TMEM132C: variants seen among roughly 807,000 people sequenced by gnomAD.
The protein encoded by TMEM132C is transmembrane protein 132C, also known as protein phosphatase 1, regulatory subunit 152.
Under a neutral mutation model 61.4 loss-of-function variants are expected in TMEM132C, and 29 were observed. The observed-to-expected ratio is 0.47, with a 90% confidence interval of 0.35 to 0.64. TMEM132C has a LOEUF of 0.64. TMEM132C is among the 30% of genes least tolerant of loss of function. TMEM132C has a pLI of 0.00. For synonymous variants in TMEM132C, 656 were observed against 633.1 expected (o/e 1.04, Z -0.54); for missense variants, 1,408 against 1,476.9 (o/e 0.95, Z 0.76).
intron 1 of TMEM132C, among the ~76,000 whole-genome samples, chr12:128,284,928 G>A (rs2135902444): frequency 6.6e-6 from 1 of 152,272 alleles, no homozygotes; most frequent in South Asian, 2.1e-4. Flanking sequence ...TTGAGCCCAG[G>A]AGTTCAAGAC....
intron 3 of TMEM132C, among the ~76,000 whole-genome samples, chr12:128,586,631 T>C (rs71462502): frequency 6.6e-6 from 1 of 151,896 alleles, no homozygotes; most frequent in South Asian, 2.1e-4. Context: ...CCTTGTTTTG[T>C]TCTCTCTCTC....
intron 2 of TMEM132C, among the ~76,000 whole-genome samples, chr12:128,458,467 T>C (rs1015208786): frequency 2.0e-5 from 3 of 152,096 alleles, no homozygotes; most frequent in African/African-American, 7.2e-5. Flanking sequence ...TTTAGGGTTG[T>C]GTAATCACTT....
chr12:128,297,756 C>G (rs555745724), intron 1 of TMEM132C, among the ~76,000 whole-genome samples: 57 of 152,148 alleles, frequency 3.7e-4, no homozygotes, highest in Non-Finnish European at 1.2e-4. Context: ...TGATTTTAAG[C>G]AAAAACTCTA....
intron 1 of TMEM132C, among the ~76,000 whole-genome samples, chr12:128,311,058 T>C (rs1268621032): frequency 1.3e-5 from 2 of 152,236 alleles, no homozygotes; most frequent in Non-Finnish European, 2.9e-5. Flanking sequence ...ATACAAATTA[T>C]ATTATCAAAT....
chr12:128,322,661 C>T lies in TMEM132C; in HGVS notation c.85+55174C>T, dbSNP rs940261426. Among the ~76,000 whole-genome samples, 4 of 152,182 alleles carry T rather than the reference C, an allele frequency of 2.6e-5. No individual in the cohort carries two copies. In the East Asian group the frequency reaches 7.7e-4, roughly 29 times the overall value. On this transcript the variant is annotated intron_variant, in intron 1 of 8. Coordinates refer to ENST00000435159, the MANE Select transcript of TMEM132C (RefSeq NM_001136103.3). ...GGGGAGTTCAAAGGACATCAGTAAC[C>T]AACAGAAATAGGTCTGAGAAACTGC... is the stretch of plus-strand genomic sequence containing the variant.
intron 1 of TMEM132C, among the ~76,000 whole-genome samples, chr12:128,410,696 G>T (rs1043292202): frequency 6.6e-6 from 1 of 152,046 alleles, no homozygotes; most frequent in Admixed American, 6.6e-5. Context: ...GAGCCACCGC[G>T]CCTGGCCCTG....
At chr12:128,572,705 C>T (rs1393330525) in intron 3 of TMEM132C, among the ~76,000 whole-genome samples, 2 of 152,024 alleles carry the variant, frequency 1.3e-5, no homozygotes, top group East Asian at 1.9e-4. Flanking sequence ...AGACCTGTCA[C>T]ATGCTCACTG....
chr12:128,693,413 G>A (rs1340155318), intron 5 of TMEM132C, among the ~76,000 whole-genome samples: 1 of 152,190 alleles, frequency 6.6e-6, no homozygotes, highest in Non-Finnish European at 1.5e-5. Flanking sequence ...TTTGATTGCA[G>A]TCTCACCTCA....
chr12:128,560,686 G>A (rs549329143), intron 3 of TMEM132C, among the ~76,000 whole-genome samples: 17 of 152,126 alleles, frequency 1.1e-4, no homozygotes, highest in Non-Finnish European at 2.2e-4. Flanking sequence ...AGTGCCTATC[G>A]CCCTCACGTC....
chr12:128,302,838 C>T (rs990344476), intron 1 of TMEM132C, among the ~76,000 whole-genome samples: 1 of 152,096 alleles, frequency 6.6e-6, no homozygotes, highest in Non-Finnish European at 1.5e-5. Context: ...ATGGATTAAC[C>T]CTGGTGAACT....
At chr12:128,392,163 T>C (rs1415219340) in intron 1 of TMEM132C, among the ~76,000 whole-genome samples, 1 of 151,948 alleles carries the variant, frequency 6.6e-6, no homozygotes, top group African/African-American at 2.4e-5. Context: ...TGCTTTGAGA[T>C]ACCCTGGTGG....
chr12:128,323,093 C>T (rs1436524637), intron 1 of TMEM132C, among the ~76,000 whole-genome samples: 1 of 152,136 alleles, frequency 6.6e-6, no homozygotes, highest in Non-Finnish European at 1.5e-5. Context: ...AACAAGCAAA[C>T]CAGCTAATAT....
At chr12:128,637,565 A>G (rs1314419221) in intron 4 of TMEM132C, among the ~76,000 whole-genome samples, 1 of 152,128 alleles carries the variant, frequency 6.6e-6, no homozygotes, top group South Asian at 2.1e-4. Flanking sequence ...TCTCTTTTTT[A>G]AGTGGTTTTT....
At chr12:128,491,753 A>G (rs984331287) in intron 2 of TMEM132C, among the ~76,000 whole-genome samples, 3 of 151,856 alleles carry the variant, frequency 2.0e-5, no homozygotes, top group African/African-American at 7.3e-5. Context: ...CCGGCTCTCA[A>G]CTGCACCAGT....
At chr12:128,395,678 G>T (rs1874926542) in intron 1 of TMEM132C, among the ~76,000 whole-genome samples, 1 of 152,160 alleles carries the variant, frequency 6.6e-6, no homozygotes. Context: ...GTTGAACGCT[G>T]TTCTGAAAGT....
intron 1 of TMEM132C, among the ~76,000 whole-genome samples, chr12:128,362,786 C>G (rs752490627): frequency 6.6e-6 from 1 of 152,124 alleles, no homozygotes; most frequent in Non-Finnish European, 1.5e-5. Flanking sequence ...AAATGCAAAA[C>G]AGTGCAGTGT....
intron 1 of TMEM132C, among the ~76,000 whole-genome samples, chr12:128,355,050 T>C (rs61680208): frequency 6.6e-6 from 1 of 152,358 alleles, no homozygotes; most frequent in African/African-American, 2.4e-5. Context: ...AAATGTTTTC[T>C]TTATGATGAT....
chr12:128,503,736 G>A (rs553089005), intron 2 of TMEM132C, among the ~76,000 whole-genome samples: 9 of 152,294 alleles, frequency 5.9e-5, no homozygotes, highest in South Asian at 2.1e-4. Flanking sequence ...AGTGCAGACC[G>A]GCTAAGTATC....
intron 1 of TMEM132C, among the ~76,000 whole-genome samples, chr12:128,297,468 A>G (rs749885421): frequency 4.6e-5 from 7 of 152,200 alleles, no homozygotes; most frequent in Non-Finnish European, 8.8e-5. Context: ...CCGGGTCTCT[A>G]ATAAGCTTCG....
Sources: gnomAD v4.1 joint callset for allele counts (sites outside exome capture counted in the v4.1 genomes callset) on GRCh38, gnomAD v4.1.1 for gene constraint, MANE v1.5 for transcripts, NCBI Gene and HGNC (gene_info 2026-07-23, HGNC 2026-07-21) for gene names.